Variants in HERC4 observed in about 807,000 individuals in gnomAD.
HERC4 encodes probable E3 ubiquitin-protein ligase HERC4.
In HERC4, 28 loss-of-function variants were observed where a neutral mutation model predicts 124.3. That is an observed-to-expected ratio of 0.23 (90% CI 0.17 to 0.31). HERC4 has a LOEUF of 0.31. HERC4 is among the 10% of genes least tolerant of loss of function. The pLI, the probability that HERC4 is intolerant of heterozygous loss-of-function variation, is 1.00. For missense variants in HERC4, 713 were observed against 1,229.3 expected (o/e 0.58, Z 6.28); for synonymous variants, 407 against 421.5 (o/e 0.97, Z 0.42).
rs186216778 is a variant in HERC4, at chr10:68,044,032, G to C, written c.386+372C>G. 3.9e-5 allele frequency among the ~76,000 whole-genome samples: 6 copies of C among 152,118 alleles called. No homozygotes were observed. The East Asian group carries it at 1.2e-3, about 29-fold the overall frequency. On this transcript the variant is annotated intron_variant, in intron 4 of 24. Coordinates refer to ENST00000373700, the MANE Select transcript of HERC4 (RefSeq NM_015601.4). The stretch of plus-strand genomic sequence containing the variant: ...CAGAAACAATAAAGACTAAAAAAAG[G>C]ACAAGTTAGTGAAAAACATTCAACA...
At chr10:68,039,559 T>C in intron 4 of HERC4, 1 of 1,537,560 alleles carries the variant, frequency 6.5e-7, no homozygotes, top group Non-Finnish European at 8.8e-7. Context: ...ATTAAAAATA[T>C]TTTTATTTAG....
At chr10:68,042,205 C>T (rs967695723) in intron 4 of HERC4, among the ~76,000 whole-genome samples, 2 of 152,186 alleles carry the variant, frequency 1.3e-5, no homozygotes, top group Non-Finnish European at 2.9e-5. Flanking sequence ...GACAGGGTTT[C>T]ACCTTCTTGG....
rs1230227916 is a variant in HERC4 at position 68,075,208 on chromosome 10, G to C, written c.-173C>G. ...TCCAGAGACAGCCGTCAGCGACCCG[G>C]ATGGAGCGGGCGGGGAAGAACGGGA... On this transcript the variant is annotated 5_prime_UTR_variant, in exon 1 of 25. It adds an upstream start codon to the 5' untranslated region. Transcript: ENST00000373700. The C allele has an allele frequency of 6.5e-6, 1 of 153,130 alleles. No homozygotes were observed. Among genetic ancestry groups the C allele is most frequent in the African/African-American group, 2.4e-5 (1 of 41,432 alleles). 9.5% of individuals were successfully genotyped at this position (153,130 alleles called of 1,614,324 possible). A position where few individuals can be genotyped will look rare whatever the true frequency, so the allele number is the denominator to read the frequency against.
At chr10:67,982,188 G>A (rs1023910181) in intron 15 of HERC4, among the ~76,000 whole-genome samples, 7 of 152,112 alleles carry the variant, frequency 4.6e-5, no homozygotes, top group Non-Finnish European at 1.0e-4. Context: ...AAAACTGCGA[G>A]GAATCATATT....
intron 4 of HERC4, 143 bp from the exon 5 acceptor site, chr10:68,038,312 C>G (rs2039583157): frequency 2.4e-6 from 1 of 413,322 alleles, no homozygotes; most frequent in Non-Finnish European, 4.3e-6. Flanking sequence ...TTTTAGCGTA[C>G]CAAAAATTTA....
At chr10:68,036,012 G>GTTA (rs2133387579) in intron 5 of HERC4, among the ~76,000 whole-genome samples, 1 of 152,122 alleles carries the variant, frequency 6.6e-6, no homozygotes, top group East Asian at 1.9e-4. Flanking sequence ...TTCATACTAA[G>GTTA]GGCTCTAAAA....
At chr10:68,025,169 A>C (rs1390064274) in intron 8 of HERC4, among the ~76,000 whole-genome samples, 1 of 152,122 alleles carries the variant, frequency 6.6e-6, no homozygotes, top group Non-Finnish European at 1.5e-5. Flanking sequence ...TTGAGGCTGC[A>C]ATAAGCCATA....
intron 16 of HERC4, 75 bp from the exon 17 acceptor site, chr10:67,957,051 A>G: frequency 2.7e-6 from 2 of 734,030 alleles, no homozygotes; most frequent in South Asian, 2.5e-5. Flanking sequence ...CATTTCTTAT[A>G]AAGTGGACTA....
intron 9 of HERC4, chr10:67,996,025 G>A (rs148331938): frequency 9.0e-6 from 3 of 333,322 alleles, no homozygotes; most frequent in South Asian, 4.4e-5. Flanking sequence ...ATTCCTCTCC[G>A]CTGGGCACAG....
intron 8 of HERC4, among the ~76,000 whole-genome samples, chr10:68,020,410 C>T (rs866966785): frequency 2.7e-5 from 4 of 150,298 alleles, no homozygotes; most frequent in African/African-American, 9.8e-5. Flanking sequence ...TAGAGTAAGA[C>T]GTGTAAAAAG....
At chr10:68,032,182 G>A (rs1330607447) in intron 7 of HERC4, among the ~76,000 whole-genome samples, 2 of 152,140 alleles carry the variant, frequency 1.3e-5, no homozygotes, top group African/African-American at 2.4e-5. Flanking sequence ...TCTGGTAAAG[G>A]TTAACTGAAT....
chr10:68,012,100 A>G (rs1428842650), intron 9 of HERC4, among the ~76,000 whole-genome samples: 1 of 152,178 alleles, frequency 6.6e-6, no homozygotes, highest in African/African-American at 2.4e-5. Context: ...CTCAGCCTTC[A>G]GAGACTTGAA....
At chr10:68,000,261 T>C (rs934454825) in intron 9 of HERC4, among the ~76,000 whole-genome samples, 1 of 152,098 alleles carries the variant, frequency 6.6e-6, no homozygotes, top group East Asian at 1.9e-4. Context: ...GGTATTCCTA[T>C]GGATTGAACT....
chr10:68,010,533 T>A, intron 9 of HERC4: 1 of 961,660 alleles, frequency 1.0e-6, no homozygotes, highest in Non-Finnish European at 1.6e-6. Context: ...CAGTGTGGGC[T>A]TCAGGCGCTG....
intron 8 of HERC4, among the ~76,000 whole-genome samples, chr10:68,023,710 G>A (rs966333684): frequency 6.6e-6 from 1 of 152,068 alleles, no homozygotes; most frequent in Non-Finnish European, 1.5e-5. Context: ...AAATTTTGTT[G>A]TATGTATTTC....
chr10:67,962,616 GA>G (rs1288838585), intron 16 of HERC4, among the ~76,000 whole-genome samples: 5 of 151,972 alleles, frequency 3.3e-5, no homozygotes, highest in African/African-American at 1.2e-4. Context: ...GCACCAAAGG[GA>G]AAACCAGATA....
At chr10:68,013,057 T>A (rs2038061773) in intron 9 of HERC4, among the ~76,000 whole-genome samples, 1 of 152,210 alleles carries the variant, frequency 6.6e-6, no homozygotes, top group Non-Finnish European at 1.5e-5. Flanking sequence ...TCTCAGATAC[T>A]GTGATTTTTA....
intron 16 of HERC4, among the ~76,000 whole-genome samples, chr10:67,960,177 G>A (rs149678122): frequency 6.6e-6 from 1 of 152,312 alleles, no homozygotes; most frequent in Non-Finnish European, 1.5e-5. Flanking sequence ...AAAACTCTGG[G>A]CACCAGGGTT....
intron 7 of HERC4, among the ~76,000 whole-genome samples, chr10:68,030,013 C>T (rs937647797): frequency 7.9e-5 from 12 of 151,932 alleles, no homozygotes; most frequent in Admixed American, 6.6e-4. Context: ...ACTGGGATTA[C>T]AGGTGTGAGC....
Sources: gnomAD v4.1 joint callset for allele counts (sites outside exome capture counted in the v4.1 genomes callset) on GRCh38, gnomAD v4.1.1 for gene constraint, MANE v1.5 for transcripts, NCBI Gene and HGNC (gene_info 2026-07-23, HGNC 2026-07-21) for gene names.